The following MMP16 variants were observed in gnomAD, a reference collection of about 807,000 sequenced individuals.
MMP16 encodes the protein matrix metalloproteinase-16.
In MMP16, 12 loss-of-function variants were observed where a neutral mutation model predicts 67.8. That is an observed-to-expected ratio of 0.18 (90% CI 0.11 to 0.29). MMP16 has a LOEUF of 0.29. Ranked by LOEUF, MMP16 falls within the 10% of genes least tolerant of loss-of-function variation. The pLI, the probability that MMP16 is intolerant of heterozygous loss-of-function variation, is 1.00. For synonymous variants in MMP16, 249 were observed against 255.9 expected (o/e 0.97, Z 0.26); for missense variants, 475 against 765.7 (o/e 0.62, Z 4.48).
chr8:88,042,317 T>A (rs1462870497), intron 9 of MMP16, among the ~76,000 whole-genome samples: 1 of 152,172 alleles, frequency 6.6e-6, no homozygotes, highest in Non-Finnish European at 1.5e-5. Context: ...GAATCTGTGC[T>A]CCTTCTAAAC....
chr8:88,247,902 A>C (rs1401949163), intron 1 of MMP16, among the ~76,000 whole-genome samples: 2 of 151,958 alleles, frequency 1.3e-5, no homozygotes, highest in African/African-American at 2.4e-5. Flanking sequence ...GAGGCCTCTG[A>C]GGTTGTCAAA....
chr8:88,154,952 T>C (rs967949125), intron 4 of MMP16, among the ~76,000 whole-genome samples: 3 of 152,072 alleles, frequency 2.0e-5, no homozygotes, highest in African/African-American at 7.2e-5. Context: ...TATGGCAGTA[T>C]AGATCATTAA....
At chr8:88,307,787 T>C (rs928470957) in intron 1 of MMP16, among the ~76,000 whole-genome samples, 2 of 152,010 alleles carry the variant, frequency 1.3e-5, no homozygotes, top group South Asian at 4.1e-4. Flanking sequence ...GTGAATGATA[T>C]AGCCATGTAT....
At chr8:88,140,165 A>T (rs1808188070) in intron 4 of MMP16, among the ~76,000 whole-genome samples, 1 of 152,082 alleles carries the variant, frequency 6.6e-6, no homozygotes, top group Admixed American at 6.6e-5. Context: ...TGGCTCACTC[A>T]CAGAACTTGC....
intron 6 of MMP16, among the ~76,000 whole-genome samples, chr8:88,081,933 A>T (rs1338959076): frequency 1.8e-4 from 28 of 152,222 alleles, no homozygotes; most frequent in African/African-American, 6.5e-4. Flanking sequence ...TTATATAAAA[A>T]CATTGGTTGT....
At chr8:88,059,068 C>A (rs1268346594) in intron 7 of MMP16, among the ~76,000 whole-genome samples, 2 of 152,002 alleles carry the variant, frequency 1.3e-5, no homozygotes, top group Non-Finnish European at 2.9e-5. Context: ...AAGTTTAAAT[C>A]AAGAGTCTGA....
chr8:88,259,196 C>T (rs140336826), intron 1 of MMP16, among the ~76,000 whole-genome samples: 34 of 152,212 alleles, frequency 2.2e-4, no homozygotes, highest in African/African-American at 7.9e-4. Context: ...TATATGGATG[C>T]TACCTATATA....
intron 4 of MMP16, among the ~76,000 whole-genome samples, chr8:88,131,427 C>A (rs1336341262): frequency 6.6e-6 from 1 of 151,732 alleles, no homozygotes; most frequent in Admixed American, 6.6e-5. Flanking sequence ...TGCTCATGGA[C>A]TGCTAGATTC....
chr8:88,295,154 T>G (rs1234164974), intron 1 of MMP16, among the ~76,000 whole-genome samples: 1 of 152,206 alleles, frequency 6.6e-6, no homozygotes, highest in Non-Finnish European at 1.5e-5. Flanking sequence ...AAGGAAACAG[T>G]AATCAAACCT....
chr8:88,242,818 TCAGGCTGGTTAGTAGATAGA>T (rs1810053972), intron 1 of MMP16, among the ~76,000 whole-genome samples: 1 of 152,192 alleles, frequency 6.6e-6, no homozygotes, highest in Non-Finnish European at 1.5e-5. Flanking sequence ...TCCTTATCCT[TCAGGCTGGTTAGTAGATAGA>T]CAGGTGTTAA....
rs28988886 is a variant in MMP16, at chr8:88,039,763, A to C, written c.*1698T>G. 1 of 152,754 alleles carries C rather than the reference A, an allele frequency of 6.5e-6. No individual in the cohort carries two copies. Among genetic ancestry groups the C allele is most frequent in the East Asian group, 1.9e-4 (1 of 5,186 alleles). 9.5% of individuals were successfully genotyped at this position (152,754 alleles called of 1,614,324 possible). On this transcript the variant is annotated 3_prime_UTR_variant, in exon 10 of 10. Coordinates refer to ENST00000286614, the MANE Select transcript of MMP16 (RefSeq NM_005941.5). The surrounding 1 kb of genome is among the most constrained non-coding windows in gnomAD (Gnocchi z 4.5). ...TGGCTGTAAAGCCTTTCACTGCAAGAAGCAGCTCCTAAAAATCAATAAAGA... is the reference window on the plus strand; with the variant it reads ...TGGCTGTAAAGCCTTTCACTGCAAGCAGCAGCTCCTAAAAATCAATAAAGA...
chr8:88,171,002 T>C (rs1441087659), intron 3 of MMP16, among the ~76,000 whole-genome samples: 6 of 152,168 alleles, frequency 3.9e-5, no homozygotes, highest in Non-Finnish European at 4.4e-5. Flanking sequence ...TGGTGATGGA[T>C]TTGATATGTA....
chr8:88,192,981 T>C (rs1228596655), intron 2 of MMP16, among the ~76,000 whole-genome samples: 2 of 152,188 alleles, frequency 1.3e-5, no homozygotes, highest in East Asian at 1.9e-4. Context: ...ATAATCACTA[T>C]GGAGAAGAGT....
chr8:88,190,509 T>C lies in MMP16; in HGVS notation c.282-3911A>G, dbSNP rs1339816158. Among the ~76,000 whole-genome samples, 9 of 152,184 alleles carry C rather than the reference T, an allele frequency of 5.9e-5. No homozygotes were observed. In the East Asian group the frequency reaches 9.6e-4, roughly 16 times the overall value. On this transcript the variant is annotated intron_variant, in intron 2 of 9. Transcript: ENST00000286614. ...GCATGAAATGTTGTCTAACATTAAA[T>C]ACAAAACTGGCATGCTAATGTTTTT...
At chr8:88,199,542 A>G (rs1809307615) in intron 1 of MMP16, among the ~76,000 whole-genome samples, 1 of 152,004 alleles carries the variant, frequency 6.6e-6, no homozygotes, top group Admixed American at 6.6e-5. Flanking sequence ...TCCAAAGTAC[A>G]AACTTATAAT....
At chr8:88,291,006 C>T (rs960644597) in intron 1 of MMP16, among the ~76,000 whole-genome samples, 4 of 152,094 alleles carry the variant, frequency 2.6e-5, no homozygotes, top group South Asian at 2.1e-4. Context: ...AAGGGCCAGG[C>T]GTGGTGACTC....
chr8:88,310,554 A>T (rs1390514352), intron 1 of MMP16, among the ~76,000 whole-genome samples: 1 of 152,064 alleles, frequency 6.6e-6, no homozygotes, highest in Non-Finnish European at 1.5e-5. Flanking sequence ...GATGTAATCC[A>T]CTCATTTTTC....
At chr8:88,316,586 T>C (rs1173944771) in intron 1 of MMP16, among the ~76,000 whole-genome samples, 1 of 152,102 alleles carries the variant, frequency 6.6e-6, no homozygotes, top group Non-Finnish European at 1.5e-5. Flanking sequence ...GAAAAAGAGA[T>C]TCCTTTCAAA....
chr8:88,106,372 G>T (rs1809241841), intron 6 of MMP16, among the ~76,000 whole-genome samples: 1 of 151,190 alleles, frequency 6.6e-6, no homozygotes, highest in Non-Finnish European at 1.5e-5. Context: ...TAGCAACATT[G>T]TATTACATTG....
Sources: allele counts gnomAD v4.1 joint callset (sites outside exome capture counted in the v4.1 genomes callset), GRCh38; gene constraint gnomAD v4.1.1; non-coding constraint Gnocchi (gnomAD v3.1); transcripts MANE v1.5; gene names NCBI Gene and HGNC (gene_info 2026-07-23, HGNC 2026-07-21).